Variants in GABRB1 observed in about 807,000 individuals in gnomAD.
GABRB1 encodes the protein gamma-aminobutyric acid receptor subunit beta-1.
In GABRB1, 17 loss-of-function variants were observed where a neutral mutation model predicts 51.6. The ratio of observed to expected loss-of-function variants is 0.33; its 90% CI spans 0.23 to 0.49. The LOEUF (loss-of-function observed/expected upper bound fraction) is 0.49. Among genes scored for constraint, GABRB1 ranks in the 20% least tolerant of loss-of-function variants. GABRB1 has a pLI of 0.99. For missense variants in GABRB1, 410 were observed against 600.6 expected, an observed-to-expected ratio of 0.68 and a Z score of 3.32; for synonymous variants, 247 against 218.9, an observed-to-expected ratio of 1.13 and a Z score of -1.14.
At chr4:47,231,369 C>G (rs1721137032) in intron 4 of GABRB1, among the ~76,000 whole-genome samples, 1 of 152,108 alleles carries the variant, frequency 6.6e-6, no homozygotes, top group Non-Finnish European at 1.5e-5. Flanking sequence ...TTTATTCTTT[C>G]ATCTGTAAAA....
intron 1 of GABRB1, among the ~76,000 whole-genome samples, chr4:46,996,751 T>C (rs900385639): frequency 2.0e-5 from 3 of 152,184 alleles, no homozygotes; most frequent in Non-Finnish European, 4.4e-5. Flanking sequence ...CTCTTGCAGG[T>C]ACTTGGTCCC....
At chr4:47,239,591 A>G (rs535456688) in intron 4 of GABRB1, among the ~76,000 whole-genome samples, 1 of 152,344 alleles carries the variant, frequency 6.6e-6, no homozygotes, top group Non-Finnish European at 1.5e-5. Flanking sequence ...TGCAACTGCT[A>G]CGAGAAACAG....
intron 3 of GABRB1, among the ~76,000 whole-genome samples, chr4:47,085,084 T>C (rs1728005756): frequency 6.6e-6 from 1 of 152,202 alleles, no homozygotes; most frequent in Admixed American, 6.5e-5. Context: ...ACTAACTCAT[T>C]ATATGATTAT....
intron 1 of GABRB1, among the ~76,000 whole-genome samples, chr4:47,012,736 C>T (rs771325290): frequency 3.9e-5 from 6 of 152,196 alleles, no homozygotes; most frequent in East Asian, 1.9e-4. Flanking sequence ...GCTCCACTAT[C>T]TTAGATTCCC....
intron 1 of GABRB1, 55 bp downstream of exon 1, chr4:47,031,786 G>GT: frequency 6.4e-7 from 1 of 1,554,226 alleles, no homozygotes; most frequent in Non-Finnish European, 8.9e-7. Flanking sequence ...TTTTTTCTTG[G>GT]TATGTTTCTT....
In GABRB1 at chr4:47,031,915, A is replaced by G. The variant is rs779283546; in HGVS notation, c.82A>G (p.Thr28Ala). ...ACGGTCCCTACTTCTTCCCCTTAGCACCAATGAACCCAGCAACATGTCATA... is the reference window on the plus strand; with the variant it reads ...ACGGTCCCTACTTCTTCCCCTTAGCGCCAATGAACCCAGCAACATGTCATA... ...MITMVCCAHS[T>A]NEPSNMSYVK... The change falls in exon 2 of 9, where the codon ACC becomes GCC. Residue 28 changes from threonine (T) to alanine (A), a missense_variant and splice_region_variant. This residue lies in a region of GABRB1 where 56 missense variants were observed against 54.8 expected (regional missense o/e 1.02). Transcript: ENST00000295454. The G allele has an allele frequency of 3.1e-6, 5 of 1,613,484 alleles. No homozygotes were observed. The highest frequency in any genetic ancestry group is 2.2e-5 in the South Asian group (2 of 91,068).
chr4:47,075,335 T>C (rs1486054385), intron 3 of GABRB1, among the ~76,000 whole-genome samples: 1 of 152,300 alleles, frequency 6.6e-6, no homozygotes, highest in East Asian at 1.9e-4. Context: ...TCAGGAGACA[T>C]ACCGGATGCC....
chr4:47,095,741 T>C (rs1432842046), intron 3 of GABRB1, among the ~76,000 whole-genome samples: 3 of 152,280 alleles, frequency 2.0e-5, no homozygotes, highest in Non-Finnish European at 2.9e-5. Context: ...TATTCTTCAA[T>C]GGAAGTGACT....
At chr4:47,389,608 T>C (rs1727919113) in intron 5 of GABRB1, among the ~76,000 whole-genome samples, 1 of 152,208 alleles carries the variant, frequency 6.6e-6, no homozygotes, top group Non-Finnish European at 1.5e-5. Context: ...AAAATCTGGC[T>C]TCCATAGTTT....
At chr4:47,374,294 T>G (rs967527131) in intron 5 of GABRB1, among the ~76,000 whole-genome samples, 14 of 151,952 alleles carry the variant, frequency 9.2e-5, no homozygotes, top group African/African-American at 3.4e-4. Context: ...GACGCTGGGG[T>G]GCAACAATCA....
At chr4:47,019,248 C>G (rs1419288347) in intron 1 of GABRB1, among the ~76,000 whole-genome samples, 2 of 152,124 alleles carry the variant, frequency 1.3e-5, no homozygotes, top group Non-Finnish European at 2.9e-5. Context: ...TCACTTGGCT[C>G]TCAGCACACT....
chr4:47,225,321 G>C (rs1322314246), intron 4 of GABRB1, among the ~76,000 whole-genome samples: 1 of 152,148 alleles, frequency 6.6e-6, no homozygotes, highest in Non-Finnish European at 1.5e-5. Context: ...GGTGGAGGGG[G>C]CAGGGAGTGT....
intron 8 of GABRB1, among the ~76,000 whole-genome samples, chr4:47,415,567 C>G (rs1046515502): frequency 6.6e-6 from 1 of 152,128 alleles, no homozygotes; most frequent in Non-Finnish European, 1.5e-5. Flanking sequence ...TGCTAAATGC[C>G]TAGGTCTGGA....
chr4:47,078,874 G>T (rs190293122), intron 3 of GABRB1, among the ~76,000 whole-genome samples: 2 of 151,972 alleles, frequency 1.3e-5, no homozygotes, highest in Non-Finnish European at 2.9e-5. Context: ...TTCTTTCAGG[G>T]TTCTGCTCTC....
intron 3 of GABRB1, among the ~76,000 whole-genome samples, chr4:47,074,024 A>G (rs1316389757): frequency 6.6e-6 from 1 of 152,230 alleles, no homozygotes; most frequent in Non-Finnish European, 1.5e-5. Context: ...TGGATTATTT[A>G]TAAGTTACAA....
chr4:47,115,716 CAAT>C (rs142135931), intron 3 of GABRB1, among the ~76,000 whole-genome samples: 5,413 of 151,544 alleles, frequency 0.036, 128 homozygotes, highest in Non-Finnish European at 0.057. Flanking sequence ...TTTTCTAACA[CAAT>C]AAGATTTTTA....
intron 5 of GABRB1, among the ~76,000 whole-genome samples, chr4:47,361,282 C>A (rs1234321107): frequency 6.6e-6 from 1 of 152,090 alleles, no homozygotes; most frequent in Admixed American, 6.6e-5. Flanking sequence ...AGCGTGCCAA[C>A]AAAATATCTC....
chr4:47,154,893 C>G lies in GABRB1; in HGVS notation c.241-6356C>G, dbSNP rs181760870. Among the ~76,000 whole-genome samples the G allele has an allele frequency of 5.9e-5, 9 of 152,176 alleles. No homozygotes were observed. The East Asian group carries it at 1.7e-3, about 30-fold the overall frequency. On this transcript the variant is annotated intron_variant, in intron 3 of 8. Coordinates refer to ENST00000295454, the MANE Select transcript of GABRB1 (RefSeq NM_000812.4). ...TTCCTCTTTTGATTCACAGTCTCTC[C>G]TCTCTTGTAACCTCATAATAGCAGT...
intron 1 of GABRB1, among the ~76,000 whole-genome samples, chr4:47,009,309 T>C (rs1440544349): frequency 2.0e-5 from 3 of 151,580 alleles, no homozygotes; most frequent in Non-Finnish European, 4.4e-5. Context: ...AAACATCACA[T>C]TTACCACACA....
Sources: allele counts gnomAD v4.1 joint callset (sites outside exome capture counted in the v4.1 genomes callset), GRCh38; gene constraint gnomAD v4.1.1; regional missense constraint gnomAD v4.1.1; transcripts MANE v1.5; gene names NCBI Gene and HGNC (gene_info 2026-07-23, HGNC 2026-07-21).